Variants in PTPRT observed in about 807,000 individuals in gnomAD.
The protein encoded by PTPRT is receptor-type tyrosine-protein phosphatase T.
In PTPRT, 56 loss-of-function variants were observed where a neutral mutation model predicts 176.8. That is an observed-to-expected ratio of 0.32 (90% CI 0.26 to 0.40). PTPRT has a LOEUF of 0.40. Among genes scored for constraint, PTPRT ranks in the 10% least tolerant of loss-of-function variants. The pLI is 1.00. For synonymous variants in PTPRT, 783 were observed against 739.0 expected (o/e 1.06, Z -0.96); for missense variants, 1,540 against 1,908.2 (o/e 0.81, Z 3.60).
chr20:43,057,310 G>A (rs1390574716), intron 1 of PTPRT, among the ~76,000 whole-genome samples: 1 of 87,348 alleles, frequency 1.1e-5, no homozygotes, highest in African/African-American at 4.5e-5. Context: ...GGAAGGAATG[G>A]AGGAGGAGGG....
chr20:43,153,508 G>A (rs1413870445), intron 1 of PTPRT, among the ~76,000 whole-genome samples: 4 of 151,848 alleles, frequency 2.6e-5, no homozygotes, highest in African/African-American at 9.7e-5. Flanking sequence ...CTGTATAAAG[G>A]TTAGTTCCCT....
chr20:42,880,727 C>A (rs2079000571), intron 2 of PTPRT, among the ~76,000 whole-genome samples: 1 of 152,196 alleles, frequency 6.6e-6, no homozygotes, highest in Non-Finnish European at 1.5e-5. Flanking sequence ...AGTGTACTAA[C>A]CCCTGCTCCT....
At chr20:42,942,910 C>G (rs564407802) in intron 1 of PTPRT, among the ~76,000 whole-genome samples, 2 of 152,268 alleles carry the variant, frequency 1.3e-5, no homozygotes, top group Non-Finnish European at 2.9e-5. Context: ...TCCATAAATA[C>G]TCATTGAATT....
intron 1 of PTPRT, among the ~76,000 whole-genome samples, chr20:42,960,892 AAAAC>A (rs1981947569): frequency 6.6e-6 from 1 of 152,224 alleles, no homozygotes; most frequent in East Asian, 1.9e-4. Flanking sequence ...CTAAGAATGA[AAAAC>A]TATAACCAAT....
chr20:42,856,417 A>T (rs557342557), intron 2 of PTPRT, among the ~76,000 whole-genome samples: 1 of 151,888 alleles, frequency 6.6e-6, no homozygotes, highest in Admixed American at 6.6e-5. Flanking sequence ...ACACGCAAAG[A>T]TTTTTTTTTA....
At position 43,044,175 on chromosome 20, in the gene PTPRT, G is replaced by A. The variant is rs140774578; in HGVS notation, c.88+145471C>T. ...GAGCACCTGCCAGCCTTGGGTCCTG[G>A]CAGGAGACCAGAAAACAAATCCAGG... On this transcript the variant is annotated intron_variant, in intron 1 of 30. Transcript: ENST00000373187. 1.3e-3 allele frequency among the ~76,000 whole-genome samples: 200 copies of A among 152,232 alleles called. 3 individuals are homozygous for A. The East Asian group carries it at 0.018, about 14-fold the overall frequency.
chr20:42,623,095 G>A (rs564439452), intron 7 of PTPRT, among the ~76,000 whole-genome samples: 49 of 152,094 alleles, frequency 3.2e-4, no homozygotes, highest in Non-Finnish European at 3.7e-4. Context: ...TCCATCCCAC[G>A]GAGAGCCACC....
chr20:42,623,536 C>T lies in PTPRT; in HGVS notation c.1153+54330G>A, dbSNP rs76000077. ...TACACTTTCTCAAGGTTAAACTCTACGGAATGGGATGAAATGGTGATAGAA... is the reference window on the plus strand; with the variant it reads ...TACACTTTCTCAAGGTTAAACTCTATGGAATGGGATGAAATGGTGATAGAA... On this transcript the variant is annotated intron_variant, in intron 7 of 30. Coordinates refer to ENST00000373187, the MANE Select transcript of PTPRT (RefSeq NM_007050.6). 3.9e-4 allele frequency among the ~76,000 whole-genome samples: 59 copies of T among 152,308 alleles called. 2 individuals carry two copies. The East Asian group carries it at 9.1e-3, about 23-fold the overall frequency.
At chr20:42,223,631 T>G (rs1040474527) in intron 15 of PTPRT, among the ~76,000 whole-genome samples, 5 of 152,192 alleles carry the variant, frequency 3.3e-5, no homozygotes, top group African/African-American at 1.2e-4. Context: ...CAGCCACAGA[T>G]CTGGAAAAAC....
intron 1 of PTPRT, among the ~76,000 whole-genome samples, chr20:43,006,319 G>C (rs922935412): frequency 6.6e-6 from 1 of 152,172 alleles, no homozygotes; most frequent in Non-Finnish European, 1.5e-5. Flanking sequence ...TAAATTGTGT[G>C]AGATACTTAA....
rs1282849995 is a variant in PTPRT, at chr20:43,038,062, C to A, written c.88+151584G>T. ...ACACCTGACCTGAGCCTATTTATAG[C>A]ATTATTTATCTGACTTAGCTTTGCA... On this transcript the variant is annotated intron_variant, in intron 1 of 30. Transcript: ENST00000373187. Among the ~76,000 whole-genome samples the A allele has an allele frequency of 1.5e-3, 221 of 151,980 alleles. 1 individual carries two copies. The highest frequency in any genetic ancestry group is 5.1e-3 in the African/African-American group (209 of 41,286).
At chr20:42,346,422 C>A (rs1355931163) in intron 11 of PTPRT, among the ~76,000 whole-genome samples, 1 of 152,188 alleles carries the variant, frequency 6.6e-6, no homozygotes, top group Non-Finnish European at 1.5e-5. Flanking sequence ...CAAGCCAGAA[C>A]TGAATATTAG....
chr20:42,757,076 A>AG (rs1461907176), intron 5 of PTPRT, among the ~76,000 whole-genome samples: 1 of 144,454 alleles, frequency 6.9e-6, no homozygotes, highest in Non-Finnish European at 1.5e-5. Context: ...AAAAAAAAAA[A>AG]GGGCAGGAGT....
chr20:42,305,628 T>A (rs1300020197), intron 12 of PTPRT, among the ~76,000 whole-genome samples: 1 of 147,572 alleles, frequency 6.8e-6, no homozygotes, highest in Non-Finnish European at 1.5e-5. Flanking sequence ...TGTGCGTGTA[T>A]GTGTGTGTGT....
At chr20:43,066,178 A>T (rs2011110429) in intron 1 of PTPRT, among the ~76,000 whole-genome samples, 1 of 152,060 alleles carries the variant, frequency 6.6e-6, no homozygotes, top group Non-Finnish European at 1.5e-5. Context: ...TGCCTGTATG[A>T]GGTACAAGGA....
chr20:42,281,054 T>A (rs2057131026), intron 13 of PTPRT, among the ~76,000 whole-genome samples: 1 of 151,854 alleles, frequency 6.6e-6, no homozygotes, highest in Non-Finnish European at 1.5e-5. Flanking sequence ...TCTCTGTGAG[T>A]TTCCTTCCCT....
At chr20:43,062,136 T>A (rs1465177452) in intron 1 of PTPRT, among the ~76,000 whole-genome samples, 1 of 152,210 alleles carries the variant, frequency 6.6e-6, no homozygotes, top group African/African-American at 2.4e-5. Context: ...TTCTAGGTAA[T>A]GAAAATGTTC....
At chr20:42,577,009 T>C (rs2073273176) in intron 7 of PTPRT, among the ~76,000 whole-genome samples, 1 of 151,848 alleles carries the variant, frequency 6.6e-6, no homozygotes, top group African/African-American at 2.4e-5. Context: ...GGGAGTAAAA[T>C]GAGGGAGAGT....
chr20:43,122,598 G>A (rs993960292), intron 1 of PTPRT, among the ~76,000 whole-genome samples: 6 of 152,152 alleles, frequency 3.9e-5, no homozygotes, highest in African/African-American at 4.8e-5. Flanking sequence ...GTGAGTGCTC[G>A]CTCAGTTAGT....
Sources: gnomAD v4.1 joint callset for allele counts (sites outside exome capture counted in the v4.1 genomes callset) on GRCh38, gnomAD v4.1.1 for gene constraint, MANE v1.5 for transcripts, NCBI Gene and HGNC (gene_info 2026-07-23, HGNC 2026-07-21) for gene names.